PPM1H: variants seen among roughly 807,000 people sequenced by gnomAD.
The protein encoded by PPM1H is protein phosphatase 1H.
Under a neutral mutation model 54.9 loss-of-function variants are expected in PPM1H, and 27 were observed. The observed-to-expected ratio is 0.49, with a 90% confidence interval of 0.36 to 0.68. The LOEUF is 0.68. Ranked by LOEUF, PPM1H falls within the 30% of genes least tolerant of loss-of-function variation. PPM1H has a pLI of 0.00. For missense variants in PPM1H, 596 were observed against 667.8 expected, an observed-to-expected ratio of 0.89 and a Z score of 1.19; for synonymous variants, 305 against 270.8, an observed-to-expected ratio of 1.13 and a Z score of -1.24.
chr12:62,699,547 T>C (rs2076132402), intron 6 of PPM1H, among the ~76,000 whole-genome samples: 1 of 152,216 alleles, frequency 6.6e-6, no homozygotes, highest in Non-Finnish European at 1.5e-5. Context: ...GGCAGAATCT[T>C]GTCTGGTGGA....
At chr12:62,756,806 A>G (rs562511790) in intron 4 of PPM1H, among the ~76,000 whole-genome samples, 1 of 152,322 alleles carries the variant, frequency 6.6e-6, no homozygotes, top group East Asian at 1.9e-4. Flanking sequence ...CCTCTATAGT[A>G]AGCTGCAGAG....
At chr12:62,847,083 C>A (rs1869000505) in intron 1 of PPM1H, among the ~76,000 whole-genome samples, 1 of 152,110 alleles carries the variant, frequency 6.6e-6, no homozygotes, top group East Asian at 1.9e-4. Context: ...TTAGGGATGG[C>A]CACCTGATCT....
intron 2 of PPM1H, among the ~76,000 whole-genome samples, chr12:62,817,152 T>TAAAAAAAAAAA (rs2076873724): frequency 7.9e-5 from 5 of 63,106 alleles, no homozygotes; most frequent in Admixed American, 3.6e-4. Context: ...AAAAAAAAAC[T>TAAAAAAAAAAA]AAAAAAAAGA....
chr12:62,869,355 C>A (rs774457905), intron 1 of PPM1H, among the ~76,000 whole-genome samples: 1 of 152,158 alleles, frequency 6.6e-6, no homozygotes, highest in South Asian at 2.1e-4. Context: ...AAATTCTTTA[C>A]ACATATAAAT....
intron 1 of PPM1H, among the ~76,000 whole-genome samples, chr12:62,852,343 TCTGG>T (rs1869226553): frequency 6.6e-6 from 1 of 151,566 alleles, no homozygotes; most frequent in Non-Finnish European, 1.5e-5. Context: ...CTGGGAGCTC[TCTGG>T]CTTTCTTTCC....
rs11174714 is a variant in PPM1H, at chr12:62,899,848, T to C, written c.245+34644A>G. 3.3e-4 allele frequency among the ~76,000 whole-genome samples: 51 copies of C among 152,320 alleles called. No homozygotes were observed. In the East Asian group the frequency reaches 9.3e-3, roughly 28 times the overall value. On this transcript the variant is annotated intron_variant, in intron 1 of 9. Coordinates refer to ENST00000228705, the MANE Select transcript of PPM1H (RefSeq NM_020700.2). ...AGGCAATGTTTATGTTCACTCCAAATTGATATGTTGAAATCCTAACCTCCA... is the reference window on the plus strand; with the variant it reads ...AGGCAATGTTTATGTTCACTCCAAACTGATATGTTGAAATCCTAACCTCCA...
intron 8 of PPM1H, among the ~76,000 whole-genome samples, chr12:62,679,033 C>T (rs889409769): frequency 6.6e-6 from 1 of 152,142 alleles, no homozygotes; most frequent in African/African-American, 2.4e-5. Flanking sequence ...TGTCGCCAGG[C>T]TGGAATGCAG....
chr12:62,708,393 G>A (rs1019362265), intron 6 of PPM1H, among the ~76,000 whole-genome samples: 4 of 152,172 alleles, frequency 2.6e-5, no homozygotes, highest in South Asian at 2.1e-4. Context: ...CCAGGCCACC[G>A]CAGGTGACCA....
chr12:62,817,449 G>C (rs2076877338), intron 2 of PPM1H, among the ~76,000 whole-genome samples: 1 of 149,470 alleles, frequency 6.7e-6, no homozygotes, highest in South Asian at 2.1e-4. Flanking sequence ...ACAACAGAGA[G>C]AGACCCTGTC....
chr12:62,922,348 A>G (rs200796281), intron 1 of PPM1H, among the ~76,000 whole-genome samples: 1 of 87,910 alleles, frequency 1.1e-5, no homozygotes, highest in Non-Finnish European at 2.5e-5. Context: ...TTTTTTTTTT[A>G]ATAATTTCAC....
intron 8 of PPM1H, among the ~76,000 whole-genome samples, chr12:62,680,800 G>A (rs765600455): frequency 1.9e-4 from 29 of 152,194 alleles, no homozygotes; most frequent in Non-Finnish European, 3.7e-4. Flanking sequence ...TTTTGGAGGA[G>A]GTTTGTTTTG....
intron 9 of PPM1H, chr12:62,659,265 ACTG>A: frequency 5.8e-6 from 2 of 342,530 alleles, no homozygotes; most frequent in Non-Finnish European, 1.0e-5. Context: ...AACCGTAAAA[ACTG>A]CAAAAAAAAA....
At chr12:62,829,463 C>T (rs1162430600) in intron 2 of PPM1H, among the ~76,000 whole-genome samples, 1 of 152,066 alleles carries the variant, frequency 6.6e-6, no homozygotes, top group Non-Finnish European at 1.5e-5. Flanking sequence ...ATACGTAATG[C>T]CACTGAACTA....
intron 7 of PPM1H, 29 bp downstream of exon 7, chr12:62,693,907 C>T (rs374117649): frequency 2.5e-6 from 4 of 1,599,290 alleles, no homozygotes; most frequent in Non-Finnish European, 3.4e-6. Flanking sequence ...GCCCTGTCCT[C>T]TCTACCCAGG....
intron 5 of PPM1H, among the ~76,000 whole-genome samples, chr12:62,723,735 C>T (rs943428428): frequency 2.0e-5 from 3 of 151,996 alleles, no homozygotes; most frequent in African/African-American, 7.2e-5. Flanking sequence ...CAGACTAAGG[C>T]TGTGTGTGTG....
chr12:62,879,688 C>A (rs886506834), intron 1 of PPM1H, among the ~76,000 whole-genome samples: 10 of 151,836 alleles, frequency 6.6e-5, no homozygotes, highest in Non-Finnish European at 1.5e-4. Flanking sequence ...GTGCAGCAAA[C>A]CGACATGGCA....
chr12:62,896,418 C>T (rs994647052), intron 1 of PPM1H, among the ~76,000 whole-genome samples: 2 of 152,158 alleles, frequency 1.3e-5, no homozygotes, highest in East Asian at 3.8e-4. Flanking sequence ...AATCAAACAA[C>T]CCCATCAAAA....
At chr12:62,776,265 G>A (rs1287389117) in intron 4 of PPM1H, among the ~76,000 whole-genome samples, 1 of 152,102 alleles carries the variant, frequency 6.6e-6, no homozygotes, top group Non-Finnish European at 1.5e-5. Context: ...ACCTCCTTCA[G>A]ACCTTACTCT....
At position 62,693,190 on chromosome 12, in the gene PPM1H, T is replaced by A. The variant is rs2076092933; in HGVS notation, c.1137+746A>T. 2.0e-5 allele frequency among the ~76,000 whole-genome samples: 3 copies of A among 152,212 alleles called. No individual in the cohort carries two copies. The South Asian group carries it at 6.2e-4, about 32-fold the overall frequency. ...ACTAGGAAATAGATTCCAAGCTTCT[T>A]GCTCTCCACTCCAGGATTTCAACCT... On this transcript the variant is annotated intron_variant, in intron 7 of 9. Transcript: ENST00000228705.
Sources: allele counts gnomAD v4.1 joint callset (sites outside exome capture counted in the v4.1 genomes callset), GRCh38; gene constraint gnomAD v4.1.1; transcripts MANE v1.5; gene names NCBI Gene and HGNC (gene_info 2026-07-23, HGNC 2026-07-21).